The following SLC34A2 variants were observed in gnomAD, a reference collection of about 807,000 sequenced individuals.
The protein encoded by SLC34A2 is solute carrier family 34 member 2, also known as sodium-dependent phosphate transport protein 2B.
A neutral mutation model predicts 50.8 loss-of-function variants in SLC34A2; 41 were observed. The observed-to-expected ratio is 0.81, with a 90% CI of 0.63 to 1.05. The LOEUF is 1.05. Among genes scored for constraint, SLC34A2 ranks in the 50% least tolerant of loss-of-function variants. SLC34A2 has a pLI of 0.00. For missense variants in SLC34A2, 879 were observed against 876.7 expected (o/e 1.00, Z -0.03); for synonymous variants, 401 against 364.2 (o/e 1.10, Z -1.15).
intron 7 of SLC34A2, among the ~76,000 whole-genome samples, chr4:25,670,358 TG>T (rs981366213): frequency 1.3e-5 from 2 of 152,178 alleles, no homozygotes; most frequent in Admixed American, 6.5e-5. Flanking sequence ...CCACCTTTAT[TG>T]GGGTGGAGGT....
intron 9 of SLC34A2, among the ~76,000 whole-genome samples, chr4:25,672,582 C>G (rs560633385): frequency 6.6e-6 from 1 of 152,302 alleles, no homozygotes; most frequent in Non-Finnish European, 1.5e-5. Context: ...TCTTAATACT[C>G]TAGGTATGAT....
intron 1 of SLC34A2, among the ~76,000 whole-genome samples, chr4:25,657,502 G>A (rs2109044120): frequency 6.6e-6 from 1 of 152,012 alleles, no homozygotes; most frequent in Non-Finnish European, 1.5e-5. Context: ...AAATTTAACT[G>A]CTTTAACCTC....
chr4:25,667,764 A>T, intron 5 of SLC34A2, 116 bp from the exon 6 acceptor site: 2 of 728,414 alleles, frequency 2.7e-6, no homozygotes, highest in Non-Finnish European at 5.0e-6. Context: ...AAAGTTTAAG[A>T]ATTCACTTGC....
Position 25,673,222 on chromosome 4 carries a change from T to C in SLC34A2, c.1184T>C (p.Val395Ala). Residue 395 changes from valine to alanine, a missense_variant, in exon 10 of 13, where the codon GTC becomes GCC. Physicochemically the swap from Val to Ala is moderately conservative, Grantham distance 64 (BLOSUM62 0). Coordinates refer to ENST00000382051, the MANE Select transcript of SLC34A2 (RefSeq NM_006424.3). The part of the protein sequence containing the change: ...KILGSVLKGQ[V>A]ATVIKKTINT... ...CTGGGCTCTGTGCTCAAGGGGCAGG[T>C]CGCCACTGTCATCAAGAAGACCATC... 6.2e-7 allele frequency: 1 copy of C among 1,614,012 alleles called. No homozygotes were observed. Among genetic ancestry groups the C allele is most frequent in the South Asian group, 1.1e-5 (1 of 91,066 alleles).
intron 5 of SLC34A2, among the ~76,000 whole-genome samples, chr4:25,667,436 T>C (rs1577496318): frequency 6.6e-6 from 1 of 152,134 alleles, no homozygotes; most frequent in Admixed American, 6.5e-5. Context: ...CACTTTAACC[T>C]GGGAGGTAGA....
chr4:25,673,858 C>T (rs943709678), intron 10 of SLC34A2, among the ~76,000 whole-genome samples: 2 of 152,156 alleles, frequency 1.3e-5, no homozygotes, highest in Admixed American at 6.5e-5. Context: ...GGGCCTGATC[C>T]GGTGCTAGTT....
At chr4:25,671,843 C>A in intron 9 of SLC34A2, 122 bp downstream of exon 9, 4 of 1,348,948 alleles carry the variant, frequency 3.0e-6, no homozygotes, top group Non-Finnish European at 4.2e-6. Flanking sequence ...ACCTGCCCTA[C>A]ATCAAGCAGT....
At position 25,668,045 on chromosome 4, in the gene SLC34A2, G is replaced by A. The variant is rs547545859; in HGVS notation, c.635+54G>A. 2.3e-4 allele frequency: 270 copies of A among 1,173,422 alleles called. 1 individual carries two copies. The African/African-American group carries it at 3.0e-3, about 13-fold the overall frequency. The allele number at this position is 1,173,422 out of a possible 1,614,324, so 72.7% of individuals were successfully genotyped here. ...CATCAGCTCTATTGTTCTTGGCCAC[G>A]CTGTTGTAACTGCTTTTAACCAGCC... is the stretch of plus-strand genomic sequence containing the variant. On this transcript the variant is annotated intron_variant, in intron 6 of 12. Transcript: ENST00000382051.
chr4:25,660,724 T>A (rs866374622), intron 1 of SLC34A2, among the ~76,000 whole-genome samples: 7 of 152,174 alleles, frequency 4.6e-5, no homozygotes, highest in African/African-American at 1.2e-4. Flanking sequence ...TTTGTATTTT[T>A]AGTAGAGACG....
chr4:25,664,096 G>A lies in SLC34A2; in HGVS notation c.251-106G>A, dbSNP rs934686966. 3 of 1,084,338 alleles carry A rather than the reference G, an allele frequency of 2.8e-6. No individual in the cohort carries two copies. In the African/African-American group the frequency reaches 4.6e-5, roughly 17 times the overall value. 67.2% of individuals were successfully genotyped at this position (1,084,338 alleles called of 1,614,324 possible). A position where few individuals can be genotyped will look rare whatever the true frequency, so the allele number is the denominator to read the frequency against. ...CTTAACGGCTGCCAGGCTGGGAAGG[G>A]AGGGGAGGTCGGGGGAGCTCTGAGC... On this transcript the variant is annotated intron_variant, in intron 3 of 12. Transcript: ENST00000382051.
intron 5 of SLC34A2, 112 bp downstream of exon 5, chr4:25,666,383 A>G: frequency 8.1e-7 from 1 of 1,230,620 alleles, no homozygotes; most frequent in Non-Finnish European, 1.1e-6. Context: ...CCTTGCCACC[A>G]TTGTCTTGGT....
chr4:25,669,014 C>G (rs1018931275), intron 6 of SLC34A2, among the ~76,000 whole-genome samples: 1 of 151,702 alleles, frequency 6.6e-6, no homozygotes, highest in African/African-American at 2.4e-5. Context: ...TGAACCTCCT[C>G]AGATGGATGC....
intron 1 of SLC34A2, among the ~76,000 whole-genome samples, chr4:25,658,681 C>T (rs975076896): frequency 2.6e-5 from 4 of 152,170 alleles, no homozygotes; most frequent in Admixed American, 6.5e-5. Context: ...AGTGTGGCAG[C>T]GGGGGAGCCC....
chr4:25,672,507 T>C (rs1482730792), intron 9 of SLC34A2, among the ~76,000 whole-genome samples: 1 of 152,184 alleles, frequency 6.6e-6, no homozygotes, highest in Non-Finnish European at 1.5e-5. Flanking sequence ...ACTCCTTACA[T>C]ATACTTTTGT....
chr4:25,666,374 C>A, intron 5 of SLC34A2, 103 bp downstream of exon 5: 2 of 1,318,506 alleles, frequency 1.5e-6, no homozygotes, highest in Non-Finnish European at 2.1e-6. Context: ...ATGTCCAGGC[C>A]TTGCCACCAT....
chr4:25,657,251 G>A (rs1480625195), intron 1 of SLC34A2, among the ~76,000 whole-genome samples: 3 of 152,106 alleles, frequency 2.0e-5, no homozygotes, highest in Non-Finnish European at 4.4e-5. Context: ...CGAATTCAAT[G>A]CAATGAGGAA....
At position 25,671,644 on chromosome 4, in the gene SLC34A2, C is replaced by T. The variant is rs1406242794; in HGVS notation, c.971C>T (p.Ser324Phe). The T allele has an allele frequency of 2.5e-6, 4 of 1,614,096 alleles. No individual in the cohort carries two copies. The highest frequency in any genetic ancestry group is 1.3e-5 in the African/African-American group (1 of 74,932). ...VTVPSTANCT[S>F]PSLCWTDGIQ... ...GTTCCCTCGACTGCTAACTGCACCT[C>T]CCCTTCCCTCTGTTGGACGGATGGC... The change falls in exon 9 of 13, where the codon TCC becomes TTC. Residue 324 changes from serine to phenylalanine, a missense_variant. Transcript: ENST00000382051.
rs1173859771 is a variant in SLC34A2 at position 25,673,171 on chromosome 4, G to C, written c.1133G>C (p.Gly378Ala). 6.2e-7 allele frequency: 1 copy of C among 1,613,988 alleles called. No homozygotes were observed. The highest frequency in any genetic ancestry group is 1.3e-5 in the African/African-American group (1 of 74,896). The change falls in exon 10 of 13, where the codon GGT (glycine) becomes GCT (alanine). Residue 378 changes from glycine (G) to alanine (A), a missense_variant. Physicochemically the swap from Gly to Ala is moderately conservative, Grantham distance 60 (BLOSUM62 0). Coordinates refer to ENST00000382051, the MANE Select transcript of SLC34A2 (RefSeq NM_006424.3). Reference protein sequence around the residue: ...LLILSLLVLCGCLIMIVKILG... With the variant: ...LLILSLLVLCACLIMIVKILG... ...ATACTCTCCCTGCTGGTCCTCTGTG[G>C]TTGCCTGATCATGATTGTCAAGATC...
At chr4:25,673,041 G>A (rs192205468) in intron 9 of SLC34A2, 46 bp from the exon 10 acceptor site, 31 of 1,592,920 alleles carry the variant, frequency 1.9e-5, no homozygotes, top group Admixed American at 6.7e-5. Flanking sequence ...ATCTGTAGCC[G>A]TGGTGGCTCC....
Sources: gnomAD v4.1 joint callset for allele counts (sites outside exome capture counted in the v4.1 genomes callset) on GRCh38, gnomAD v4.1.1 for gene constraint, MANE v1.5 for transcripts, NCBI Gene and HGNC (gene_info 2026-07-23, HGNC 2026-07-21) for gene names.